The following DNAH5 variants were observed in gnomAD, a reference collection of about 807,000 sequenced individuals.
DNAH5 encodes the protein axonemal beta dynein heavy chain 5.
In DNAH5, 372 loss-of-function variants were observed where a neutral mutation model predicts 518.2. That is an observed-to-expected ratio of 0.72 (90% confidence interval 0.66 to 0.78). The LOEUF is 0.78. Ranked by LOEUF, DNAH5 falls within the 30% of genes least tolerant of loss-of-function variation. The probability of loss-of-function intolerance (pLI) is 0.00; values close to 1 mark genes in which losing one functional copy is unlikely to be tolerated. For synonymous variants in DNAH5, 2,039 were observed against 2,025.9 expected (o/e 1.01, Z -0.17); for missense variants, 5,523 against 5,687.0 (o/e 0.97, Z 0.93).
chr5:13,804,924 T>A (rs1759344122), intron 47 of DNAH5, among the ~76,000 whole-genome samples: 1 of 152,198 alleles, frequency 6.6e-6, no homozygotes, highest in African/African-American at 2.4e-5. Flanking sequence ...AAACCACAGA[T>A]CTTTAATACC....
At position 13,859,599 on chromosome 5, in the gene DNAH5, A is replaced by G; in HGVS notation, c.4803T>C (p.Asn1601=). ...TTTGAATCTGGGCTTTGAATGGCAT[A>G]TTGTACCTAAAATAAGAAATAGGTT... ...LLGSLLSNRY[N]MPFKAQIQKW... is the part of the protein sequence containing the mutation. Residue 1601 remains asparagine, a synonymous_variant, in exon 30 of 79, where the codon AAT becomes AAC. Coordinates refer to ENST00000265104, the MANE Select transcript of DNAH5 (RefSeq NM_001369.3). 6.2e-7 allele frequency: 1 copy of G among 1,613,904 alleles called. No homozygotes were observed. The highest frequency in any genetic ancestry group is 2.2e-5 in the East Asian group (1 of 44,878).
intron 30 of DNAH5, among the ~76,000 whole-genome samples, chr5:13,855,537 T>C (rs953485359): frequency 1.3e-5 from 2 of 151,896 alleles, no homozygotes; most frequent in Admixed American, 6.6e-5. Context: ...GCCCATACTC[T>C]TCAATAGTGG....
Position 13,752,184 on chromosome 5 carries a change from G to A in DNAH5, c.10978C>T (p.Leu3660=), listed in dbSNP as rs1409148907. The A allele has an allele frequency of 6.2e-7, 1 of 1,613,984 alleles. No homozygotes were observed. Among genetic ancestry groups the A allele is most frequent in the Non-Finnish European group, 8.5e-7 (1 of 1,179,936 alleles). The change falls in exon 64 of 79, where the codon CTA becomes TTA. Residue 3660 remains leucine, a synonymous_variant. Coordinates refer to ENST00000265104, the MANE Select transcript of DNAH5 (RefSeq NM_001369.3). The part of the protein sequence containing the change: ...EDVGEELDPA[L]DNVLERNFIK... ...AAGTTTCTTTCCAAAACATTATCTA[G>A]TGCTGGATCTAGTTCCTCTCCAACA...
Position 13,782,586 on chromosome 5 carries a change from A to G in DNAH5, c.8821-1627T>C, listed in dbSNP as rs191434496. 3.6e-4 allele frequency among the ~76,000 whole-genome samples: 55 copies of G among 152,266 alleles called. No homozygotes were observed. The East Asian group carries it at 7.9e-3, about 22-fold the overall frequency. On this transcript the variant is annotated intron_variant, in intron 52 of 78. Coordinates refer to ENST00000265104, the MANE Select transcript of DNAH5 (RefSeq NM_001369.3). The stretch of plus-strand genomic sequence containing the variant: ...TGGGTAAGAAGCTACTGGAAGCCAC[A>G]CTAGAACATTCTGTGTCTTTCCTTG...
rs140420509 is a variant in DNAH5 at position 13,739,886 on chromosome 5, C to T, written c.11212-2391G>A. On this transcript the variant is annotated intron_variant, in intron 65 of 78. Transcript: ENST00000265104. Reference sequence around the variant, plus strand: ...AATTACATTTTGTTTTAAACAGTATCGCTATGCTGATGACTCCCAAGTTTA... The same window carrying T: ...AATTACATTTTGTTTTAAACAGTATTGCTATGCTGATGACTCCCAAGTTTA... Among the ~76,000 whole-genome samples, 21 of 152,242 alleles carry T rather than the reference C, an allele frequency of 1.4e-4. No individual in the cohort carries two copies. In the East Asian group the frequency reaches 1.5e-3, roughly 11 times the overall value.
At chr5:13,772,152 T>C (rs558911303) in intron 55 of DNAH5, among the ~76,000 whole-genome samples, 28 of 152,262 alleles carry the variant, frequency 1.8e-4, no homozygotes, top group African/African-American at 6.0e-4. Context: ...TTATGATACA[T>C]TTTGTGTAGG....
At position 13,865,839 on chromosome 5, in the gene DNAH5, G is replaced by T. The variant is rs1409788651; in HGVS notation, c.4184C>A (p.Pro1395Gln). Residue 1395 changes from proline (P) to glutamine (Q), a missense_variant, in exon 27 of 79, where the codon CCA becomes CAA. Pro to Gln is a moderately conservative substitution (Grantham distance 76). Transcript: ENST00000265104. ...YTGGEELFGL[P>Q]ATQYPQLLEI... Reference sequence around the variant, plus strand: ...AAGAAGCTGAGGATACTGTGTAGCTGGCAGGCCAAAAAGCTCCTCTCCTCC... The same window carrying T: ...AAGAAGCTGAGGATACTGTGTAGCTTGCAGGCCAAAAAGCTCCTCTCCTCC... 6.2e-7 allele frequency: 1 copy of T among 1,613,708 alleles called. No individual in the cohort carries two copies. Among genetic ancestry groups the T allele is most frequent in the East Asian group, 2.2e-5 (1 of 44,862 alleles).
intron 32 of DNAH5, among the ~76,000 whole-genome samples, chr5:13,844,185 G>A (rs1765646604): frequency 6.6e-6 from 1 of 152,210 alleles, no homozygotes; most frequent in Non-Finnish European, 1.5e-5. Context: ...CTGGAACATG[G>A]TAGTTGCTCA....
chr5:13,907,169 G>A (rs993725317), intron 12 of DNAH5, among the ~76,000 whole-genome samples: 3 of 152,114 alleles, frequency 2.0e-5, no homozygotes, highest in Non-Finnish European at 4.4e-5. Flanking sequence ...GGTGGCTCAC[G>A]ACTGTAATCC....
intron 76 of DNAH5, among the ~76,000 whole-genome samples, chr5:13,705,666 C>T (rs1307911002): frequency 6.6e-6 from 1 of 152,134 alleles, no homozygotes; most frequent in Non-Finnish European, 1.5e-5. Flanking sequence ...ACAACGTGAT[C>T]TTATGCGGGA....
rs1227812319 is a variant in DNAH5 at position 13,983,832 on chromosome 5, T to C, written c.12+27816A>G. Among the ~76,000 whole-genome samples the C allele has an allele frequency of 2.0e-5, 3 of 152,204 alleles. No homozygotes were observed. The East Asian group carries it at 5.8e-4, about 29-fold the overall frequency. ...TAAAACGCCAGAACCACTCCAAGCT[T>C]GCCTCTTGGCTCAATCACTCAGACA... On this transcript the variant is annotated intron_variant, in intron 1 of 78. Transcript: ENST00000681290.
chr5:13,758,748 T>G, intron 61 of DNAH5, 98 bp downstream of exon 61: 1 of 1,540,520 alleles, frequency 6.5e-7, no homozygotes, highest in Non-Finnish European at 8.9e-7. Flanking sequence ...ATGTATGTAT[T>G]ATGTATAAAT....
At position 13,840,958 on chromosome 5, in the gene DNAH5, T is replaced by C. The variant is rs780413140; in HGVS notation, c.5657A>G (p.Tyr1886Cys). The change falls in exon 34 of 79, where the codon TAC becomes TGC. Residue 1886 changes from tyrosine to cysteine, a missense_variant. By Grantham distance (194) the Tyr-to-Cys change is radical. This residue lies in a region of DNAH5 where 5,121 missense variants were observed against 5,223.3 expected (regional missense o/e 0.98). Transcript: ENST00000265104. ...CACATGAATAGTAATCAGAGTCTCGTATTTCACTCGTTCCGTGGAACTCAG... is the reference window on the plus strand; with the variant it reads ...CACATGAATAGTAATCAGAGTCTCGCATTTCACTCGTTCCGTGGAACTCAG... The part of the protein sequence containing the change: ...RDLSSTERVK[Y>C]ETLITIHVHQ... The C allele has an allele frequency of 1.2e-6, 2 of 1,614,174 alleles. No homozygotes were observed. The highest frequency in any genetic ancestry group is 1.6e-4 in the Middle Eastern group (1 of 6,062).
In DNAH5 at chr5:13,766,202, AC is replaced by A. The variant is rs1459643771; in HGVS notation, c.9898-24del. ...GGTCTGGGGGATGAAAGGAACGATC[AC>A]CCAACCACAGATAGGAAAGCACAGA... On this transcript the variant is annotated intron_variant, in intron 58 of 78. Coordinates refer to ENST00000265104, the MANE Select transcript of DNAH5 (RefSeq NM_001369.3). 3 of 1,612,086 alleles carry A rather than the reference AC, an allele frequency of 1.9e-6. No individual in the cohort carries two copies. In the African/African-American group the frequency reaches 4.0e-5, roughly 22 times the overall value.
At chr5:13,872,195 T>C (rs17209452) in intron 22 of DNAH5, among the ~76,000 whole-genome samples, 1 of 152,142 alleles carries the variant, frequency 6.6e-6, no homozygotes, top group African/African-American at 2.4e-5. Flanking sequence ...CTGAACCCAC[T>C]GGAAGCCTCA....
At chr5:13,706,498 C>CT (rs1391955197) in intron 76 of DNAH5, among the ~76,000 whole-genome samples, 1 of 152,134 alleles carries the variant, frequency 6.6e-6, no homozygotes, top group Non-Finnish European at 1.5e-5. Flanking sequence ...ACAGCTACAC[C>CT]TCCCACTCTT....
rs1270828375 is a variant in DNAH5, at chr5:13,778,586, GAA to G, written c.8952-1233_8952-1232del. On this transcript the variant is annotated intron_variant, in intron 53 of 78. Coordinates refer to ENST00000265104, the MANE Select transcript of DNAH5 (RefSeq NM_001369.3). ...AGAAAGAAAGAAAGAAAGAAAGAAA[GAA>G]AGAAAGAAAGAGAGAGAGAAAGAAA... 2.3e-3 allele frequency among the ~76,000 whole-genome samples: 179 copies of G among 78,284 alleles called. 1 individual carries two copies. Among genetic ancestry groups the G allele is most frequent in the East Asian group, 9.1e-3 (23 of 2,526 alleles). 51.4% of individuals were successfully genotyped at this position (78,284 alleles called of 152,430 possible).
chr5:13,750,138 C>T (rs928365836), intron 65 of DNAH5, among the ~76,000 whole-genome samples: 7 of 152,036 alleles, frequency 4.6e-5, no homozygotes, highest in African/African-American at 1.7e-4. Flanking sequence ...GGGCAAGCAC[C>T]GTACAACACA....
intron 12 of DNAH5, among the ~76,000 whole-genome samples, chr5:13,905,802 T>A (rs1351756608): frequency 6.6e-6 from 1 of 151,616 alleles, no homozygotes; most frequent in East Asian, 1.9e-4. Flanking sequence ...AAAACTTATA[T>A]CCACAGAAAA....
Sources: allele counts gnomAD v4.1 joint callset (sites outside exome capture counted in the v4.1 genomes callset), GRCh38; gene constraint gnomAD v4.1.1; regional missense constraint gnomAD v4.1.1; transcripts MANE v1.5; gene names NCBI Gene and HGNC (gene_info 2026-07-23, HGNC 2026-07-21).